The following CLMN variants were observed in gnomAD, a reference collection of about 807,000 sequenced individuals.
CLMN encodes the protein calmin, also known as calmin (calponin-like, transmembrane).
In CLMN, 57 loss-of-function variants were observed where a neutral mutation model predicts 92.7. That is an observed-to-expected ratio of 0.61 (90% CI 0.50 to 0.77). The LOEUF (loss-of-function observed/expected upper bound fraction) is 0.77. CLMN is among the 30% of genes least tolerant of loss of function. The probability of loss-of-function intolerance (pLI) is 0.00; values close to 1 mark genes in which losing one functional copy is unlikely to be tolerated. For synonymous variants in CLMN, 466 were observed against 470.6 expected (o/e 0.99, Z 0.13); for missense variants, 1,158 against 1,237.5 (o/e 0.94, Z 0.96).
rs76975914 is a variant in CLMN at position 95,279,972 on chromosome 14, G to GTT, written c.82+39737_82+39738dup. 4.9e-3 allele frequency among the ~76,000 whole-genome samples: 709 copies of GTT among 145,414 alleles called. 4 individuals carry two copies. The highest frequency in any genetic ancestry group is 0.015 in the African/African-American group (617 of 39,896). ...TTATAAGGCATCAGAATATGTTGTT[G>GTT]TTTTTTTTTTTTGCCTAGTATAAAG... On this transcript the variant is annotated intron_variant, in intron 1 of 12. Coordinates refer to ENST00000298912, the MANE Select transcript of CLMN (RefSeq NM_024734.4).
chr14:95,304,261 A>G (rs1407683612), intron 1 of CLMN, among the ~76,000 whole-genome samples: 1 of 152,036 alleles, frequency 6.6e-6, no homozygotes, highest in Non-Finnish European at 1.5e-5. Context: ...GATTGAGCCT[A>G]GGAGTTCAAG....
intron 5 of CLMN, among the ~76,000 whole-genome samples, chr14:95,215,065 T>A (rs1336528197): frequency 6.6e-6 from 1 of 152,148 alleles, no homozygotes; most frequent in East Asian, 1.9e-4. Flanking sequence ...GTAACAAACC[T>A]GCACATTCTG....
chr14:95,200,912 A>G (rs1056007366), intron 9 of CLMN, among the ~76,000 whole-genome samples: 1 of 150,796 alleles, frequency 6.6e-6, no homozygotes, highest in African/African-American at 2.4e-5. Context: ...CACTAAGTGC[A>G]TGCTAGATGT....
At chr14:95,216,840 C>A (rs1263450856) in intron 4 of CLMN, among the ~76,000 whole-genome samples, 3 of 152,186 alleles carry the variant, frequency 2.0e-5, no homozygotes, top group Non-Finnish European at 2.9e-5. Context: ...TCACGTGGGA[C>A]CCCCATGTTA....
At chr14:95,227,767 G>A (rs891254610) in intron 2 of CLMN, among the ~76,000 whole-genome samples, 2 of 152,132 alleles carry the variant, frequency 1.3e-5, no homozygotes, top group Non-Finnish European at 2.9e-5. Flanking sequence ...AGCACCCCCA[G>A]GGCTTTCTTC....
chr14:95,236,270 C>T (rs746627906), intron 1 of CLMN, among the ~76,000 whole-genome samples: 3 of 152,186 alleles, frequency 2.0e-5, no homozygotes, highest in Non-Finnish European at 1.5e-5. Context: ...TGTTCTGCAG[C>T]GTCCTGGGGG....
chr14:95,261,214 AC>A (rs1299267139), intron 1 of CLMN, among the ~76,000 whole-genome samples: 1 of 144,010 alleles, frequency 6.9e-6, no homozygotes, highest in Non-Finnish European at 1.5e-5. Context: ...AAAAAGTGGC[AC>A]TAAGTAAGCT....
At chr14:95,264,151 C>T (rs1899374875) in intron 1 of CLMN, among the ~76,000 whole-genome samples, 1 of 152,064 alleles carries the variant, frequency 6.6e-6, no homozygotes, top group Admixed American at 6.6e-5. Context: ...GCGATCCTCC[C>T]ACCTTAGCCT....
At chr14:95,234,249 C>T (rs1387322318) in intron 1 of CLMN, among the ~76,000 whole-genome samples, 1 of 152,148 alleles carries the variant, frequency 6.6e-6, no homozygotes, top group African/African-American at 2.4e-5. Context: ...CAGCTGCTGC[C>T]GCAAGCAAGG....
intron 1 of CLMN, among the ~76,000 whole-genome samples, chr14:95,272,255 C>T (rs969333391): frequency 1.3e-5 from 2 of 152,002 alleles, no homozygotes; most frequent in Non-Finnish European, 2.9e-5. Context: ...AGGAGCCTGC[C>T]AGGAGGGTGT....
intron 3 of CLMN, among the ~76,000 whole-genome samples, chr14:95,222,844 T>C (rs940812047): frequency 2.6e-5 from 4 of 152,158 alleles, no homozygotes; most frequent in Non-Finnish European, 4.4e-5. Flanking sequence ...AGCTACATTA[T>C]ATCTGAGAAG....
chr14:95,298,243 A>C (rs1900896414), intron 1 of CLMN, among the ~76,000 whole-genome samples: 1 of 151,012 alleles, frequency 6.6e-6, no homozygotes, highest in South Asian at 2.1e-4. Context: ...TTTATACCCC[A>C]GTGAATCACA....
At chr14:95,201,164 A>G (rs1365936510) in intron 9 of CLMN, among the ~76,000 whole-genome samples, 1 of 151,670 alleles carries the variant, frequency 6.6e-6, no homozygotes, top group Non-Finnish European at 1.5e-5. Context: ...ATAATAAAAA[A>G]ATTTAAAAAT....
chr14:95,219,713 G>T (rs1897466737), intron 4 of CLMN, among the ~76,000 whole-genome samples: 1 of 152,196 alleles, frequency 6.6e-6, no homozygotes, highest in Non-Finnish European at 1.5e-5. Context: ...CCCACGTTTG[G>T]CCAGAGGCCA....
At position 95,259,962 on chromosome 14, in the gene CLMN, TCTC is replaced by T. The variant is rs1415090191; in HGVS notation, c.83-29832_83-29830del. On this transcript the variant is annotated intron_variant, in intron 1 of 12. Transcript: ENST00000298912. The surrounding 1 kb of genome is among the most constrained non-coding windows in gnomAD (Gnocchi z 4.3). ...CTGTCTGGCACTCTCTCCCTGCACT[TCTC>T]CACCTGCTCGTCAAATTCCTCTGGC... 6.6e-6 allele frequency among the ~76,000 whole-genome samples: 1 copy of T among 152,092 alleles called. No homozygotes were observed. The highest frequency in any genetic ancestry group is 1.5e-5 in the Non-Finnish European group (1 of 68,002).
At chr14:95,267,461 C>T (rs1313358526) in intron 1 of CLMN, among the ~76,000 whole-genome samples, 3 of 152,102 alleles carry the variant, frequency 2.0e-5, no homozygotes, top group African/African-American at 7.2e-5. Flanking sequence ...ATCAGGGAAA[C>T]GCAAATTGAA....
chr14:95,254,169 T>C (rs1007094076), intron 1 of CLMN, among the ~76,000 whole-genome samples: 1 of 152,140 alleles, frequency 6.6e-6, no homozygotes, highest in African/African-American at 2.4e-5. Context: ...CTGTCCTTTC[T>C]CACCCATCGT....
At position 95,182,162 on chromosome 14, in the gene CLMN, CTTTT is replaced by C. The variant is rs757027887; in HGVS notation, c.*9398_*9401del. ...ACATTCATATATTGTTTATAAAGAT[CTTTT>C]TTTTTACAAAGCTACAGCTATGTAT... On this transcript the variant is annotated 3_prime_UTR_variant, in exon 13 of 13. Coordinates refer to ENST00000298912, the MANE Select transcript of CLMN (RefSeq NM_024734.4). 6.6e-6 allele frequency: 1 copy of C among 151,462 alleles called. No individual in the cohort carries two copies. Among genetic ancestry groups the C allele is most frequent in the Non-Finnish European group, 1.5e-5 (1 of 67,822 alleles). 9.4% of individuals were successfully genotyped at this position (151,462 alleles called of 1,614,324 possible). A position where few individuals can be genotyped will look rare whatever the true frequency, so the allele number is the denominator to read the frequency against.
At chr14:95,224,418 G>T (rs1414516592) in intron 2 of CLMN, among the ~76,000 whole-genome samples, 1 of 152,128 alleles carries the variant, frequency 6.6e-6, no homozygotes, top group Non-Finnish European at 1.5e-5. Context: ...GAGGAGCTGG[G>T]ATTACAGGCA....
Sources: gnomAD v4.1 joint callset for allele counts (sites outside exome capture counted in the v4.1 genomes callset) on GRCh38, gnomAD v4.1.1 for gene constraint, Gnocchi (gnomAD v3.1) non-coding constraint, MANE v1.5 for transcripts, NCBI Gene and HGNC (gene_info 2026-07-23, HGNC 2026-07-21) for gene names.